TNS3: variants seen among roughly 807,000 people sequenced by gnomAD.
TNS3 encodes the protein tensin 3.
Under a neutral mutation model 140.9 loss-of-function variants are expected in TNS3, and 45 were observed. That is an observed-to-expected ratio of 0.32 (90% CI 0.25 to 0.41). The LOEUF (loss-of-function observed/expected upper bound fraction) is 0.41, where lower values mean the gene tolerates loss of function less well. TNS3 is among the 10% of genes least tolerant of loss of function. TNS3 has a pLI of 1.00. For synonymous variants in TNS3, 815 were observed against 788.4 expected (o/e 1.03, Z -0.56); for missense variants, 1,716 against 1,906.7 (o/e 0.90, Z 1.86).
chr7:47,334,433 T>A (rs772503778), intron 20 of TNS3, among the ~76,000 whole-genome samples: 33 of 152,284 alleles, frequency 2.2e-4, no homozygotes, highest in Non-Finnish European at 3.2e-4. Context: ...GTAAAGCTGT[T>A]ATAGGATAAG....
At chr7:47,485,797 G>A (rs1407848257) in intron 3 of TNS3, among the ~76,000 whole-genome samples, 1 of 152,226 alleles carries the variant, frequency 6.6e-6, no homozygotes, top group African/African-American at 2.4e-5. Context: ...CCCACACCTG[G>A]CTACGTGGGT....
At chr7:47,546,231 C>T (rs533265726) in intron 1 of TNS3, among the ~76,000 whole-genome samples, 4 of 152,360 alleles carry the variant, frequency 2.6e-5, no homozygotes, top group Non-Finnish European at 4.4e-5. Flanking sequence ...ACCTCAAAAG[C>T]TTCTAATGAG....
At chr7:47,580,004 T>C (rs1287999900) in intron 1 of TNS3, 1 of 116,234 alleles carries the variant, frequency 8.6e-6, no homozygotes, top group Admixed American at 1.5e-4. Context: ...AGACACTTTG[T>C]TAAAAAAAAA....
At chr7:47,317,232 T>A (rs539801710) in intron 20 of TNS3, among the ~76,000 whole-genome samples, 1 of 152,364 alleles carries the variant, frequency 6.6e-6, no homozygotes, top group East Asian at 1.9e-4. Flanking sequence ...AGGGCTGAAA[T>A]GGGAATCCTG....
rs1219987331 is a variant in TNS3, at chr7:47,293,819, A to C, written c.3686T>G (p.Leu1229Trp). The change falls in exon 25 of 31, where the codon TTG (leucine) becomes TGG (tryptophan). Residue 1229 changes from leucine to tryptophan, a missense_variant. Leu to Trp is a moderately conservative substitution (Grantham distance 61). Coordinates refer to ENST00000311160, the MANE Select transcript of TNS3 (RefSeq NM_022748.12). Reference sequence around the variant, plus strand: ...AAAGTGCCGGACGAGTTCATTGGCCAAATCTCCAGCTGTGGCAAGAAATTT... The same window carrying C: ...AAAGTGCCGGACGAGTTCATTGGCCCAATCTCCAGCTGTGGCAAGAAATTT... ...VLQLNKKAGD[L>W]ANELVRHFLI... The C allele has an allele frequency of 6.2e-7, 1 of 1,614,250 alleles. No homozygotes were observed. The highest frequency in any genetic ancestry group is 2.2e-5 in the East Asian group (1 of 44,892).
At chr7:47,522,217 C>G (rs1429333859) in intron 2 of TNS3, among the ~76,000 whole-genome samples, 2 of 152,238 alleles carry the variant, frequency 1.3e-5, no homozygotes, top group Non-Finnish European at 2.9e-5. Context: ...AGTTAGAAAA[C>G]TAAAGCCTCT....
intron 23 of TNS3, among the ~76,000 whole-genome samples, chr7:47,300,855 C>A (rs556329569): frequency 5.3e-5 from 8 of 152,316 alleles, no homozygotes; most frequent in Non-Finnish European, 7.3e-5. Flanking sequence ...GGCCCTCAGC[C>A]ATGGTGAGCA....
chr7:47,315,063 T>C (rs1191225530), intron 20 of TNS3, among the ~76,000 whole-genome samples: 63 of 152,366 alleles, frequency 4.1e-4, no homozygotes, highest in Non-Finnish European at 2.2e-4. Flanking sequence ...CACACAGGGA[T>C]GCTGTTTAGA....
At chr7:47,439,804 G>T in intron 5 of TNS3, 146 bp from the exon 6 acceptor site, 1 of 787,266 alleles carries the variant, frequency 1.3e-6, no homozygotes, top group Non-Finnish European at 2.0e-6. Context: ...TTTACAGTGT[G>T]TGCAGCCTCT....
chr7:47,280,104 T>C, intron 30 of TNS3, 60 bp downstream of exon 30: 4 of 1,600,900 alleles, frequency 2.5e-6, no homozygotes, highest in African/African-American at 1.3e-5. Flanking sequence ...TGGAAGAGAA[T>C]TCAACTTTGG....
At chr7:47,522,845 G>A (rs1350331675) in intron 2 of TNS3, among the ~76,000 whole-genome samples, 2 of 150,342 alleles carry the variant, frequency 1.3e-5, no homozygotes, top group Admixed American at 1.3e-4. Context: ...GGAGAATGGC[G>A]TGAACCTGGG....
chr7:47,441,839 C>T (rs116661365), intron 5 of TNS3, among the ~76,000 whole-genome samples, 164 bp downstream of exon 5: 40 of 152,270 alleles, frequency 2.6e-4, no homozygotes, highest in African/African-American at 9.4e-4. Flanking sequence ...CATTTAGAAA[C>T]GGACAGAAAA....
At chr7:47,550,466 C>A (rs888987774) in intron 1 of TNS3, among the ~76,000 whole-genome samples, 1 of 152,198 alleles carries the variant, frequency 6.6e-6, no homozygotes. Context: ...ACCTTCCCAA[C>A]CTCATGTAAG....
At chr7:47,580,998 G>A (rs916767196) in intron 1 of TNS3, among the ~76,000 whole-genome samples, 2 of 152,158 alleles carry the variant, frequency 1.3e-5, no homozygotes, top group Non-Finnish European at 2.9e-5. Context: ...GGGCTTCCCA[G>A]GGGGTTGTGA....
rs549157935 is a variant in TNS3, at chr7:47,553,151, A to G, written c.-264-24004T>C. Among the ~76,000 whole-genome samples, 216 of 152,356 alleles carry G rather than the reference A, an allele frequency of 1.4e-3. 1 individual carries two copies. The highest frequency in any genetic ancestry group is 3.4e-3 in the Middle Eastern group (1 of 294). The stretch of plus-strand genomic sequence containing the variant: ...TAGCAGAGGTTGGCTCAAGAGGTTT[A>G]GGTAAACAAGCCGTCTCCATAACAT... On this transcript the variant is annotated intron_variant, in intron 1 of 30. Coordinates refer to ENST00000311160, the MANE Select transcript of TNS3 (RefSeq NM_022748.12).
At chr7:47,561,080 G>A (rs1800311133) in intron 1 of TNS3, among the ~76,000 whole-genome samples, 1 of 152,224 alleles carries the variant, frequency 6.6e-6, no homozygotes, top group African/African-American at 2.4e-5. Flanking sequence ...GGGATAGGAC[G>A]TGGTGCGACG....
intron 4 of TNS3, among the ~76,000 whole-genome samples, chr7:47,458,063 C>A (rs1267202405): frequency 6.6e-6 from 1 of 151,906 alleles, no homozygotes; most frequent in African/African-American, 2.4e-5. Flanking sequence ...ACGTCTCATG[C>A]CAAAATAATG....
At chr7:47,451,742 G>A (rs1374045105) in intron 4 of TNS3, among the ~76,000 whole-genome samples, 1 of 152,212 alleles carries the variant, frequency 6.6e-6, no homozygotes, top group Non-Finnish European at 1.5e-5. Flanking sequence ...TGCACATTCT[G>A]TTTTTGTTTC....
chr7:47,298,125 G>C (rs2150670859), intron 23 of TNS3, among the ~76,000 whole-genome samples: 1 of 152,292 alleles, frequency 6.6e-6, no homozygotes, highest in South Asian at 2.1e-4. Flanking sequence ...ATGATAGAAA[G>C]GGCATACCCA....
Sources: allele counts gnomAD v4.1 joint callset (sites outside exome capture counted in the v4.1 genomes callset), GRCh38; gene constraint gnomAD v4.1.1; transcripts MANE v1.5; gene names NCBI Gene and HGNC (gene_info 2026-07-23, HGNC 2026-07-21).